Variants in EML6 observed in about 807,000 individuals in gnomAD.
EML6 encodes EMAP like 6, also known as echinoderm microtubule-associated protein-like 6.
In EML6, 154 loss-of-function variants were observed where a neutral mutation model predicts 240.1. The observed-to-expected ratio is 0.64, with a 90% CI of 0.56 to 0.73. The LOEUF (loss-of-function observed/expected upper bound fraction) is 0.73, where lower values mean the gene tolerates loss of function less well. Among genes scored for constraint, EML6 ranks in the 30% least tolerant of loss-of-function variants. EML6 has a pLI of 0.00. For synonymous variants in EML6, 1,148 were observed against 899.0 expected (o/e 1.28, Z -4.95); for missense variants, 2,964 against 2,474.6 (o/e 1.20, Z -4.20).
At chr2:54,818,191 C>A (rs937204606) in intron 4 of EML6, among the ~76,000 whole-genome samples, 1 of 151,890 alleles carries the variant, frequency 6.6e-6, no homozygotes, top group African/African-American at 2.4e-5. Flanking sequence ...CAGTTTAAAC[C>A]AGTAAAATCT....
intron 2 of EML6, among the ~76,000 whole-genome samples, chr2:54,756,933 C>G (rs1415381437): frequency 6.6e-6 from 1 of 151,952 alleles, no homozygotes; most frequent in East Asian, 1.9e-4. Flanking sequence ...CCTCCTGGAT[C>G]TGTAATTGTA....
At chr2:54,916,277 A>G (rs1235717248) in intron 25 of EML6, among the ~76,000 whole-genome samples, 2 of 152,194 alleles carry the variant, frequency 1.3e-5, no homozygotes, top group African/African-American at 2.4e-5. Flanking sequence ...ACTGAGAGCA[A>G]TTTTGTTTCC....
chr2:54,853,924 G>C (rs550215525), intron 11 of EML6, 69 bp downstream of exon 11: 2 of 935,136 alleles, frequency 2.1e-6, no homozygotes, highest in South Asian at 2.1e-5. Context: ...AATTAAGGCT[G>C]ATCTTCCTGC....
rs114071717 is a variant in EML6, at chr2:54,933,944, C to A, written c.4004+5193C>A. Reference sequence around the variant, plus strand: ...TGATAATATTAACCACCCTAACTTGCCAAATAGTGGTAAAGAGAGGACAGA... The same window carrying A: ...TGATAATATTAACCACCCTAACTTGACAAATAGTGGTAAAGAGAGGACAGA... On this transcript the variant is annotated intron_variant, in intron 28 of 41. Coordinates refer to ENST00000356458, the MANE Select transcript of EML6 (RefSeq NM_001039753.4). Among the ~76,000 whole-genome samples, 619 of 152,162 alleles carry A rather than the reference C, an allele frequency of 4.1e-3. 4 individuals are homozygous for A. The highest frequency in any genetic ancestry group is 0.01 in the African/African-American group (425 of 41,510).
rs111474356 is a variant in EML6 at position 54,918,962 on chromosome 2, C to T, written c.3675+2027C>T. On this transcript the variant is annotated intron_variant, in intron 26 of 41. Transcript: ENST00000356458. Reference sequence around the variant, plus strand: ...CTAGAATTTTCCAGGGATTACATTACCTCATGAATCAATATTTTCCGGAGC... The same window carrying T: ...CTAGAATTTTCCAGGGATTACATTATCTCATGAATCAATATTTTCCGGAGC... Among the ~76,000 whole-genome samples, 1,402 of 152,300 alleles carry T rather than the reference C, an allele frequency of 9.2e-3. 20 individuals carry two copies. Among genetic ancestry groups the T allele is most frequent in the African/African-American group, 0.032 (1,333 of 41,552 alleles).
chr2:54,871,484 C>A lies in EML6; in HGVS notation c.2239-16C>A, dbSNP rs1671253056. The stretch of plus-strand genomic sequence containing the variant: ...TAACGTGTTAGTAGTTAATAACAGT[C>A]ATTCTGTTATTTAAGGTTGGAAGAG... On this transcript the variant is annotated splice_polypyrimidine_tract_variant and intron_variant, in intron 15 of 41. Transcript: ENST00000356458. 4 of 1,496,314 alleles carry A rather than the reference C, an allele frequency of 2.7e-6. No homozygotes were observed. Among genetic ancestry groups the A allele is most frequent in the Non-Finnish European group, 3.6e-6 (4 of 1,096,280 alleles). 92.7% of individuals were successfully genotyped at this position (1,496,314 alleles called of 1,614,324 possible).
At chr2:54,951,075 G>C (rs1331564656) in intron 30 of EML6, among the ~76,000 whole-genome samples, 1 of 152,236 alleles carries the variant, frequency 6.6e-6, no homozygotes, top group Non-Finnish European at 1.5e-5. Flanking sequence ...GAGACAGGGT[G>C]TAAGGAGTGG....
chr2:54,756,649 A>C (rs1667745003), intron 2 of EML6, among the ~76,000 whole-genome samples: 1 of 151,852 alleles, frequency 6.6e-6, no homozygotes, highest in Non-Finnish European at 1.5e-5. Context: ...TTTTTTCTAC[A>C]AAAAGCCTTT....
intron 7 of EML6, among the ~76,000 whole-genome samples, chr2:54,831,510 G>A (rs753458357): frequency 2.0e-5 from 3 of 151,820 alleles, no homozygotes; most frequent in Admixed American, 6.6e-5. Flanking sequence ...AGTCAGCGAC[G>A]CCCTCCGTTA....
intron 2 of EML6, among the ~76,000 whole-genome samples, chr2:54,785,378 G>A (rs1275525293): frequency 1.3e-5 from 2 of 151,876 alleles, no homozygotes; most frequent in African/African-American, 2.4e-5. Flanking sequence ...GTTTCACCAT[G>A]TTGCCAGGCT....
chr2:54,934,965 C>T (rs1304965147), intron 28 of EML6, among the ~76,000 whole-genome samples: 1 of 152,150 alleles, frequency 6.6e-6, no homozygotes, highest in African/African-American at 2.4e-5. Context: ...TCACTCTGCC[C>T]TCATTTTTGG....
At chr2:54,941,720 T>C (rs956495674) in intron 28 of EML6, among the ~76,000 whole-genome samples, 1 of 152,210 alleles carries the variant, frequency 6.6e-6, no homozygotes, top group African/African-American at 2.4e-5. Flanking sequence ...GTGTGTTGTT[T>C]AAGCTGAGCC....
chr2:54,814,640 T>C (rs1668003503), intron 3 of EML6, among the ~76,000 whole-genome samples: 1 of 152,220 alleles, frequency 6.6e-6, no homozygotes, highest in South Asian at 2.1e-4. Flanking sequence ...CAAAGATCTG[T>C]GAAATTATTC....
At chr2:54,954,204 G>GC in intron 32 of EML6, 48 bp downstream of exon 32, 1 of 1,510,632 alleles carries the variant, frequency 6.6e-7, no homozygotes. Context: ...CTGCCTGTGG[G>GC]TGTCGAGCCT....
At chr2:54,743,536 A>G (rs1234103711) in intron 2 of EML6, among the ~76,000 whole-genome samples, 1 of 152,210 alleles carries the variant, frequency 6.6e-6, no homozygotes, top group Non-Finnish European at 1.5e-5. Context: ...AACAGACCCA[A>G]CTTTGAACCT....
intron 10 of EML6, 63 bp from the exon 11 acceptor site, chr2:54,853,580 T>C (rs1670208577): frequency 4.7e-6 from 5 of 1,053,230 alleles, no homozygotes; most frequent in South Asian, 2.2e-5. Context: ...TTCAGATCTT[T>C]ATAAAAAATA....
intron 2 of EML6, among the ~76,000 whole-genome samples, chr2:54,764,584 G>C (rs1668107652): frequency 6.6e-6 from 1 of 152,200 alleles, no homozygotes; most frequent in African/African-American, 2.4e-5. Context: ...AGTGGCTAAT[G>C]TGAAATCCCC....
At chr2:54,933,947 A>T (rs1176538108) in intron 28 of EML6, among the ~76,000 whole-genome samples, 1 of 152,190 alleles carries the variant, frequency 6.6e-6, no homozygotes, top group African/African-American at 2.4e-5. Context: ...TAACTTGCCA[A>T]ATAGTGGTAA....
At chr2:54,864,930 A>G (rs1373799171) in intron 13 of EML6, among the ~76,000 whole-genome samples, 1 of 152,218 alleles carries the variant, frequency 6.6e-6, no homozygotes, top group Admixed American at 6.5e-5. Flanking sequence ...CCATGACGAA[A>G]TCATCTTGAC....
Sources: allele counts gnomAD v4.1 joint callset (sites outside exome capture counted in the v4.1 genomes callset), GRCh38; gene constraint gnomAD v4.1.1; transcripts MANE v1.5; gene names NCBI Gene and HGNC (gene_info 2026-07-23, HGNC 2026-07-21).